The following IDH2 variants were observed in gnomAD, a reference collection of about 807,000 sequenced individuals.
IDH2 encodes the protein isocitrate dehydrogenase (NADP(+)) 2, also known as isocitrate dehydrogenase [NADP], mitochondrial.
A neutral mutation model predicts 50.5 loss-of-function variants in IDH2; 18 were observed. The ratio of observed to expected loss-of-function variants is 0.36; its 90% CI spans 0.25 to 0.53. IDH2 has a LOEUF of 0.53. IDH2 is among the 20% of genes least tolerant of loss of function. The pLI is 0.92. For synonymous variants in IDH2, 280 were observed against 239.8 expected (o/e 1.17, Z -1.55); for missense variants, 518 against 610.7 (o/e 0.85, Z 1.60).
Position 90,098,945 on chromosome 15 carries a change from C to T in IDH2, c.115+3331G>A, listed in dbSNP as rs1360188641. 1.3e-5 allele frequency among the ~76,000 whole-genome samples: 2 copies of T among 152,152 alleles called. No individual in the cohort carries two copies. Among genetic ancestry groups the T allele is most frequent in the Non-Finnish European group, 2.9e-5 (2 of 68,020 alleles). On this transcript the variant is annotated intron_variant, in intron 1 of 10. Coordinates refer to ENST00000330062, the MANE Select transcript of IDH2 (RefSeq NM_002168.4). The surrounding 1 kb of genome is among the most constrained non-coding windows in gnomAD (Gnocchi z 5.1). ...AGAAGCCACCCTCAGACAAGCCCAC[C>T]CTTGCCATAAGTGAGTGCCTGCTGC...
At position 90,085,069 on chromosome 15, in the gene IDH2, G is replaced by A. The variant is rs753119952; in HGVS notation, c.1110C>T (p.Ala370=). 6.2e-7 allele frequency: 1 copy of A among 1,613,996 alleles called. No homozygotes were observed. Among genetic ancestry groups the A allele is most frequent in the Non-Finnish European group, 8.5e-7 (1 of 1,180,000 alleles). ...KGRPTSTNPI[A]SIFAWTRGLE... ...GGCCACGTGTCCAGGCAAAGATGCT[G>A]GCGATGGGGTTGGTGCTGGTGGGCC... Residue 370 remains alanine (A), a synonymous_variant, in exon 9 of 11, where the codon GCC becomes GCT. Transcript: ENST00000330062. The surrounding 1 kb of genome is among the most constrained non-coding windows in gnomAD (Gnocchi z 5.5).
At chr15:90,096,888 T>C (rs773319931) in intron 1 of IDH2, among the ~76,000 whole-genome samples, 6 of 151,048 alleles carry the variant, frequency 4.0e-5, no homozygotes, top group Non-Finnish European at 5.9e-5. Flanking sequence ...CACTCCAGCA[T>C]GGGCGAAAGA....
At position 90,088,639 on chromosome 15, in the gene IDH2, A is replaced by G. The variant is rs1198317557; in HGVS notation, c.482T>C (p.Val161Ala). Reference protein sequence around the residue: ...PIICKNIPRLVPGWTKPITIG... With the variant: ...PIICKNIPRLAPGWTKPITIG... Reference sequence around the variant, plus strand: ...GGTGATGGGCTTGGTCCAGCCAGGGACTAGGCGTGGGATGTTTTTGCAGAT... The same window carrying G: ...GGTGATGGGCTTGGTCCAGCCAGGGGCTAGGCGTGGGATGTTTTTGCAGAT... Residue 161 changes from valine to alanine, a missense_variant, in exon 4 of 11, where the codon GTC becomes GCC. Val to Ala is a moderately conservative substitution (Grantham distance 64). Transcript: ENST00000330062. The G allele has an allele frequency of 6.2e-7, 1 of 1,614,064 alleles. No individual in the cohort carries two copies. Among genetic ancestry groups the G allele is most frequent in the Non-Finnish European group, 8.5e-7 (1 of 1,180,048 alleles).
chr15:90,102,124 C>T lies in IDH2; in HGVS notation c.115+152G>A, dbSNP rs1901349676. On this transcript the variant is annotated intron_variant, in intron 1 of 10. Coordinates refer to ENST00000330062, the MANE Select transcript of IDH2 (RefSeq NM_002168.4). ...CCGGGAAGCGCCGGGCGGGGGAGCG[C>T]GGAGCGAAGCTGCCCCGCGGCCCTT... 6 of 322,364 alleles carry T rather than the reference C, an allele frequency of 1.9e-5. No homozygotes were observed. In the East Asian group the frequency reaches 2.9e-4, roughly 15 times the overall value. The allele number at this position is 322,364 out of a possible 1,614,324, so 20.0% of individuals were successfully genotyped here. A position where few individuals can be genotyped will look rare whatever the true frequency, so the allele number is the denominator to read the frequency against.
rs751288853 is a variant in IDH2 at position 90,088,746 on chromosome 15, C to T, written c.375G>A (p.Glu125=). ...TTTTCCACATCTTCTTCAGCTTGAA[C>T]TCTGTGAGGACAGAGATAATAGTGG... ...TITPDEARVE[E]FKLKKMWKSP... The change falls in exon 4 of 11, where the codon GAG becomes GAA. Residue 125 remains glutamate, a splice_region_variant and synonymous_variant. Transcript: ENST00000330062. The T allele has an allele frequency of 1.2e-6, 2 of 1,613,878 alleles. No homozygotes were observed. Among genetic ancestry groups the T allele is most frequent in the African/African-American group, 2.7e-5 (2 of 74,854 alleles).
intron 7 of IDH2, among the ~76,000 whole-genome samples, chr15:90,086,842 C>G (rs1413618789): frequency 6.6e-6 from 1 of 152,178 alleles, no homozygotes; most frequent in Admixed American, 6.5e-5. Flanking sequence ...CCATCATGGA[C>G]TGGAGCAACC....
In IDH2 at chr15:90,092,670, G is replaced by A. The variant is rs144222407; in HGVS notation, c.116-1026C>T. ...CAGCCCACTGCAACCTCCGCCTCCC[G>A]AGTTCAAGTGATTCTCGGGCCTCAG... On this transcript the variant is annotated intron_variant, in intron 1 of 10. Coordinates refer to ENST00000330062, the MANE Select transcript of IDH2 (RefSeq NM_002168.4). Among the ~76,000 whole-genome samples, 89 of 152,026 alleles carry A rather than the reference G, an allele frequency of 5.9e-4. No individual in the cohort carries two copies. In the East Asian group the frequency reaches 9.1e-3, roughly 16 times the overall value.
intron 1 of IDH2, among the ~76,000 whole-genome samples, chr15:90,094,925 A>C (rs961111766): frequency 1.3e-5 from 2 of 151,924 alleles, no homozygotes; most frequent in East Asian, 1.9e-4. Flanking sequence ...AACAAACAAA[A>C]AAAACTGGGT....
intron 1 of IDH2, among the ~76,000 whole-genome samples, chr15:90,092,388 T>C (rs1290796219): frequency 2.4e-5 from 3 of 123,946 alleles, no homozygotes; most frequent in South Asian, 2.5e-4. Flanking sequence ...CTTCCTTCCT[T>C]CCTTTCGTTC....
chr15:90,093,380 T>C, intron 1 of IDH2, among the ~76,000 whole-genome samples: 1 of 152,224 alleles, frequency 6.6e-6, no homozygotes, highest in Non-Finnish European at 1.5e-5. Context: ...TGAGCTACGC[T>C]GTGTAGCTCA....
rs144545957 is a variant in IDH2 at position 90,089,381 on chromosome 15, T to C, written c.374-634A>G. 5.7e-3 allele frequency among the ~76,000 whole-genome samples: 871 copies of C among 152,306 alleles called. 15 individuals carry two copies. Among genetic ancestry groups the C allele is most frequent in the African/African-American group, 0.019 (798 of 41,564 alleles). On this transcript the variant is annotated intron_variant, in intron 3 of 10. Coordinates refer to ENST00000330062, the MANE Select transcript of IDH2 (RefSeq NM_002168.4). ...CCATGCTAAGTGCTCTGTTGGCCAT[T>C]ATGATTCCCACATCACACATGGAGG... is the stretch of plus-strand genomic sequence containing the variant.
In IDH2 at chr15:90,088,593, G is replaced by T. The variant is rs764224566; in HGVS notation, c.528C>A (p.Gly176=). 6.2e-7 allele frequency: 1 copy of T among 1,614,222 alleles called. No homozygotes were observed. Among genetic ancestry groups the T allele is most frequent in the South Asian group, 1.1e-5 (1 of 91,088 alleles). ...KPITIGRHAH[G]DQYKATDFVA... is the part of the protein sequence containing the mutation. ...CCTCTCCACCCTGGCCTACCTGGTCGCCATGGGCGTGCCTGCCAATGGTGA... is the reference window on the plus strand; with the variant it reads ...CCTCTCCACCCTGGCCTACCTGGTCTCCATGGGCGTGCCTGCCAATGGTGA... The change falls in exon 4 of 11, where the codon GGC becomes GGA. Residue 176 remains glycine, a synonymous_variant. Coordinates refer to ENST00000330062, the MANE Select transcript of IDH2 (RefSeq NM_002168.4).
intron 1 of IDH2, among the ~76,000 whole-genome samples, chr15:90,099,519 G>T (rs1398399615): frequency 2.6e-5 from 4 of 152,238 alleles, no homozygotes. Flanking sequence ...CCAGGCTAGA[G>T]TGCAGTGGCA....
rs111996056 is a variant in IDH2, at chr15:90,092,713, A to G, written c.116-1069T>C. Among the ~76,000 whole-genome samples the G allele has an allele frequency of 3.8e-3, 573 of 151,778 alleles. 5 individuals are homozygous for G. The highest frequency in any genetic ancestry group is 0.013 in the African/African-American group (522 of 41,332). On this transcript the variant is annotated intron_variant, in intron 1 of 10. Coordinates refer to ENST00000330062, the MANE Select transcript of IDH2 (RefSeq NM_002168.4). Reference sequence around the variant, plus strand: ...GGCCTCAGCCTCCCAAGTAGCGGGGATTTCAGGTGTGCACCACAACACCTG... The same window carrying G: ...GGCCTCAGCCTCCCAAGTAGCGGGGGTTTCAGGTGTGCACCACAACACCTG...
chr15:90,096,038 T>C (rs1490328475), intron 1 of IDH2, among the ~76,000 whole-genome samples: 1 of 152,244 alleles, frequency 6.6e-6, no homozygotes, highest in Admixed American at 6.5e-5. Flanking sequence ...GGCTCATGCC[T>C]GTAATCCCAG....
chr15:90,101,244 G>A (rs929965127), intron 1 of IDH2, among the ~76,000 whole-genome samples: 1 of 152,114 alleles, frequency 6.6e-6, no homozygotes, highest in Non-Finnish European at 1.5e-5. Flanking sequence ...CAGGGCCAGC[G>A]GGCCCCATCC....
rs2151549208 is a variant in IDH2, at chr15:90,088,416, C to T, written c.621G>A (p.Trp207Ter). The T allele has an allele frequency of 6.2e-7, 1 of 1,614,208 alleles. No homozygotes were observed. The highest frequency in any genetic ancestry group is 8.5e-7 in the Non-Finnish European group (1 of 1,180,044). Reference protein sequence around the residue: ...TPKDGSGVKEWEVYNFPAGGV... With the variant: ...TPKDGSGVKE The stretch of plus-strand genomic sequence containing the variant: ...CGCCTGCGGGGAAGTTGTACACTTC[C>T]CACTCCTTGACACCACTGCCATCTT... The change falls in exon 5 of 11, where the codon TGG (tryptophan) becomes TGA (stop). Residue 207 changes from tryptophan to a stop codon, truncating the protein, a stop_gained. Transcript: ENST00000330062. LOFTEE classifies it high-confidence loss of function.
intron 1 of IDH2, among the ~76,000 whole-genome samples, chr15:90,094,282 A>G (rs758771346): frequency 2.0e-5 from 3 of 152,222 alleles, no homozygotes; most frequent in Non-Finnish European, 4.4e-5. Flanking sequence ...ACAATGAATC[A>G]GTACAGCTGC....
chr15:90,085,270 C>T lies in IDH2; in HGVS notation c.1080+5G>A. ...GCATTGTGAGGCCCCATGCCCTGCA[C>T]TCACCTTCTGGTGCTCCCGATAGTG... is the stretch of plus-strand genomic sequence containing the variant. On this transcript the variant is annotated splice_donor_5th_base_variant and intron_variant, in intron 8 of 10. Coordinates refer to ENST00000330062, the MANE Select transcript of IDH2 (RefSeq NM_002168.4). The surrounding 1 kb of genome is among the most constrained non-coding windows in gnomAD (Gnocchi z 5.5). 6.4e-7 allele frequency: 1 copy of T among 1,556,848 alleles called. No homozygotes were observed. Among genetic ancestry groups the T allele is most frequent in the East Asian group, 2.4e-5 (1 of 41,518 alleles).
Sources: allele counts gnomAD v4.1 joint callset (sites outside exome capture counted in the v4.1 genomes callset), GRCh38; gene constraint gnomAD v4.1.1; non-coding constraint Gnocchi (gnomAD v3.1); transcripts MANE v1.5; gene names NCBI Gene and HGNC (gene_info 2026-07-23, HGNC 2026-07-21).